Variants in CD96 observed in about 807,000 individuals in gnomAD.
CD96 encodes T-cell surface protein tactile.
CD96 carries 70 observed loss-of-function variants against 71.3 expected under a neutral mutation model. The ratio of observed to expected loss-of-function variants is 0.98; its 90% CI spans 0.81 to 1.20. The LOEUF (loss-of-function observed/expected upper bound fraction) is 1.20, where lower values mean the gene tolerates loss of function less well. CD96 is among the 50% of genes most tolerant of loss of function. CD96 has a pLI of 0.00. For synonymous variants in CD96, 248 were observed against 233.0 expected (o/e 1.06, Z -0.59); for missense variants, 742 against 677.5 (o/e 1.10, Z -1.06).
intron 5 of CD96, among the ~76,000 whole-genome samples, chr3:111,588,631 C>G (rs766538318): frequency 6.6e-6 from 1 of 152,124 alleles, no homozygotes; most frequent in Admixed American, 6.6e-5. Context: ...ATACCCAAGA[C>G]TGGGTAATTT....
chr3:111,563,782 T>C (rs1350383010), intron 2 of CD96, among the ~76,000 whole-genome samples: 2 of 152,212 alleles, frequency 1.3e-5, no homozygotes, highest in Non-Finnish European at 2.9e-5. Flanking sequence ...TAAAGGTAAA[T>C]AGATAATCAA....
chr3:111,575,423 T>C (rs964924593), intron 3 of CD96, among the ~76,000 whole-genome samples: 4 of 152,222 alleles, frequency 2.6e-5, no homozygotes, highest in Non-Finnish European at 4.4e-5. Flanking sequence ...AGACTGTTGC[T>C]TGTGTGTTTT....
intron 3 of CD96, among the ~76,000 whole-genome samples, chr3:111,569,113 A>G (rs1042086444): frequency 7.2e-5 from 11 of 152,234 alleles, no homozygotes; most frequent in African/African-American, 2.7e-4. Context: ...ATTACAAGCT[A>G]CCTAGATTTT....
At chr3:111,661,216 G>A (rs1940346415) in intron 14 of CD96, among the ~76,000 whole-genome samples, 1 of 152,086 alleles carries the variant, frequency 6.6e-6, no homozygotes, top group South Asian at 2.1e-4. Context: ...CACTGTCCTG[G>A]GAACAGGAAG....
chr3:111,543,247 A>G (rs1407124265), intron 1 of CD96, among the ~76,000 whole-genome samples: 1 of 152,206 alleles, frequency 6.6e-6, no homozygotes, highest in African/African-American at 2.4e-5. Context: ...TACTTGTCAC[A>G]ATAATATATA....
intron 12 of CD96, among the ~76,000 whole-genome samples, chr3:111,639,152 C>T: frequency 6.6e-6 from 1 of 152,146 alleles, no homozygotes; most frequent in East Asian, 1.9e-4. Flanking sequence ...AACCCACAGA[C>T]CCTCTGAAGG....
intron 8 of CD96, among the ~76,000 whole-genome samples, chr3:111,617,063 A>G (rs1276669974): frequency 6.6e-6 from 1 of 152,216 alleles, no homozygotes; most frequent in East Asian, 1.9e-4. Flanking sequence ...GGCAGCACTG[A>G]CACACCAATC....
intron 12 of CD96, among the ~76,000 whole-genome samples, chr3:111,641,659 T>C (rs938688246): frequency 1.3e-5 from 2 of 152,176 alleles, no homozygotes; most frequent in Non-Finnish European, 2.9e-5. Flanking sequence ...TTAACAGATA[T>C]ATACAGAACA....
chr3:111,562,439 A>T (rs542530334), intron 2 of CD96, among the ~76,000 whole-genome samples: 1 of 152,200 alleles, frequency 6.6e-6, no homozygotes, highest in Non-Finnish European at 1.5e-5. Flanking sequence ...ACTCTATATT[A>T]TGTCTTATTT....
chr3:111,558,192 C>T (rs1935178432), intron 2 of CD96, among the ~76,000 whole-genome samples: 1 of 64,504 alleles, frequency 1.6e-5, no homozygotes, highest in Non-Finnish European at 2.9e-5. Context: ...ATTGAATACC[C>T]TTTATTTCCT....
intron 11 of CD96, among the ~76,000 whole-genome samples, chr3:111,637,635 G>T (rs1213883187): frequency 6.6e-6 from 1 of 152,144 alleles, no homozygotes; most frequent in African/African-American, 2.4e-5. Flanking sequence ...GGTGTGGAGA[G>T]AAATTAGTAT....
Position 111,579,125 on chromosome 3 carries a change from A to T in CD96, c.642A>T (p.Arg214Ser), listed in dbSNP as rs1296272159. The T allele has an allele frequency of 6.3e-7, 1 of 1,594,098 alleles. No homozygotes were observed. Among genetic ancestry groups the T allele is most frequent in the Non-Finnish European group, 8.6e-7 (1 of 1,161,908 alleles). ...KDRVKLGTDY[R>S]LHLSPVQIFD... is the part of the protein sequence containing the mutation. ...GAGTCAAGCTTGGTACAGACTACAGACTCCACCTCTCTCCAGTCCAAATCT... is the reference window on the plus strand; with the variant it reads ...GAGTCAAGCTTGGTACAGACTACAGTCTCCACCTCTCTCCAGTCCAAATCT... Residue 214 changes from arginine (R) to serine (S), a missense_variant, in exon 4 of 14, where the codon AGA becomes AGT. Arg to Ser is a moderately radical substitution (Grantham distance 110, BLOSUM62 -1). Transcript: ENST00000352690.
At chr3:111,660,404 T>C (rs1404775798) in intron 14 of CD96, among the ~76,000 whole-genome samples, 1 of 152,184 alleles carries the variant, frequency 6.6e-6, no homozygotes, top group African/African-American at 2.4e-5. Context: ...TGCTCATAGA[T>C]TGGAATAATC....
At position 111,643,532 on chromosome 3, in the gene CD96, G is replaced by C. The variant is rs1939690474; in HGVS notation, c.1478-4011G>C. Among the ~76,000 whole-genome samples the C allele has an allele frequency of 2.0e-5, 3 of 152,244 alleles. 1 individual carries two copies. In the South Asian group the frequency reaches 6.2e-4, roughly 32 times the overall value. The stretch of plus-strand genomic sequence containing the variant: ...GGGCATCTAAATCAGTAAAGAGGAA[G>C]TCAAACTGTCACTGTTTGCTGATGA... On this transcript the variant is annotated intron_variant, in intron 12 of 13. Coordinates refer to ENST00000352690, the MANE Select transcript of CD96 (RefSeq NM_005816.5).
rs1002121603 is a variant in CD96, at chr3:111,606,125, G to T, written c.1088-575G>T. The stretch of plus-strand genomic sequence containing the variant: ...TCAACTCCCCCCAACACAGACACAC[G>T]CACGCACACACACAAAAGAAAAAGT... On this transcript the variant is annotated intron_variant, in intron 7 of 13. Coordinates refer to ENST00000352690, the MANE Select transcript of CD96 (RefSeq NM_005816.5). 3.3e-5 allele frequency among the ~76,000 whole-genome samples: 5 copies of T among 151,774 alleles called. No homozygotes were observed. The East Asian group carries it at 9.6e-4, about 29-fold the overall frequency.
At chr3:111,629,977 A>G (rs1402657301) in intron 10 of CD96, among the ~76,000 whole-genome samples, 1 of 152,188 alleles carries the variant, frequency 6.6e-6, no homozygotes, top group Non-Finnish European at 1.5e-5. Context: ...GAACAACAAT[A>G]CAATGTACCA....
At chr3:111,596,850 G>A (rs1937283601) in intron 5 of CD96, among the ~76,000 whole-genome samples, 2 of 152,182 alleles carry the variant, frequency 1.3e-5, no homozygotes, top group Admixed American at 6.5e-5. Flanking sequence ...AAAGGCAAGT[G>A]TTGAACGGAT....
chr3:111,567,418 G>C, intron 2 of CD96, 105 bp from the exon 3 acceptor site: 1 of 873,698 alleles, frequency 1.1e-6, no homozygotes, highest in East Asian at 2.5e-5. Context: ...TGTACCCTGA[G>C]GACAGATGAA....
intron 10 of CD96, among the ~76,000 whole-genome samples, chr3:111,626,102 G>T (rs1259576781): frequency 6.6e-6 from 1 of 151,998 alleles, no homozygotes; most frequent in Non-Finnish European, 1.5e-5. Flanking sequence ...AGGAGATCAA[G>T]ACCATCCTGG....
Sources: gnomAD v4.1 joint callset for allele counts (sites outside exome capture counted in the v4.1 genomes callset) on GRCh38, gnomAD v4.1.1 for gene constraint, MANE v1.5 for transcripts, NCBI Gene and HGNC (gene_info 2026-07-23, HGNC 2026-07-21) for gene names.